The following MICU1 variants were observed in gnomAD, a reference collection of about 807,000 sequenced individuals.
MICU1 encodes mitochondrial calcium uptake 1, also known as calcium uptake protein 1, mitochondrial.
Under a neutral mutation model 56.8 loss-of-function variants are expected in MICU1, and 45 were observed. The ratio of observed to expected loss-of-function variants is 0.79; its 90% CI spans 0.62 to 1.02. MICU1 has a LOEUF of 1.02. MICU1 is among the 50% of genes least tolerant of loss of function. The pLI is 0.00. For synonymous variants in MICU1, 186 were observed against 195.1 expected, an observed-to-expected ratio of 0.95 and a Z score of 0.39; for missense variants, 504 against 587.1, an observed-to-expected ratio of 0.86 and a Z score of 1.46.
intron 10 of MICU1, among the ~76,000 whole-genome samples, chr10:72,377,619 T>C (rs1862568177): frequency 6.6e-6 from 1 of 152,152 alleles, no homozygotes; most frequent in African/African-American, 2.4e-5. Context: ...TCTCTCTCAT[T>C]TATCCTCAAA....
chr10:72,588,036 G>A (rs552876391), intron 1 of MICU1, among the ~76,000 whole-genome samples: 2 of 152,238 alleles, frequency 1.3e-5, no homozygotes, highest in African/African-American at 4.8e-5. Context: ...GTAATTGCCA[G>A]TGTTGGAGGA....
chr10:72,562,851 T>C (rs747276802), intron 3 of MICU1, 44 bp downstream of exon 3: 23 of 1,453,284 alleles, frequency 1.6e-5, no homozygotes, highest in Non-Finnish European at 2.1e-5. Context: ...ATTATTCTAC[T>C]TTAAGATATA....
At chr10:72,487,756 T>A (rs1287555878) in intron 6 of MICU1, among the ~76,000 whole-genome samples, 2 of 152,352 alleles carry the variant, frequency 1.3e-5, no homozygotes, top group African/African-American at 2.4e-5. Flanking sequence ...TCCTGCTTAT[T>A]CCTCAACAAA....
At chr10:72,370,095 T>A (rs965303384) in intron 11 of MICU1, among the ~76,000 whole-genome samples, 1 of 152,122 alleles carries the variant, frequency 6.6e-6, no homozygotes, top group South Asian at 2.1e-4. Context: ...GCCAGGATGG[T>A]CTCAATCTCC....
intron 6 of MICU1, among the ~76,000 whole-genome samples, chr10:72,487,693 GA>G (rs1866519246): frequency 6.6e-6 from 1 of 152,172 alleles, no homozygotes; most frequent in Non-Finnish European, 1.5e-5. Context: ...AGCTTTAGCA[GA>G]AAAATACCCT....
chr10:72,375,808 C>T lies in MICU1; in HGVS notation c.1245G>A (p.Val415=), dbSNP rs1179675631. Reference sequence around the variant, plus strand: ...CATCACAGTCAAAGAGTGCAAACACCACATCACACACGTGGTCTGAGAGCT... The same window carrying T: ...CATCACAGTCAAAGAGTGCAAACACTACATCACACACGTGGTCTGAGAGCT... The part of the protein sequence containing the change: ...KVELSDHVCD[V]VFALFDCDGN... Residue 415 remains valine, a synonymous_variant, in exon 11 of 12, where the codon GTG becomes GTA. Coordinates refer to ENST00000361114, the MANE Select transcript of MICU1 (RefSeq NM_001195518.2). 1 of 1,613,254 alleles carries T rather than the reference C, an allele frequency of 6.2e-7. No individual in the cohort carries two copies.
intron 5 of MICU1, among the ~76,000 whole-genome samples, chr10:72,518,933 G>A (rs1015021523): frequency 2.0e-5 from 3 of 152,124 alleles, no homozygotes; most frequent in Non-Finnish European, 4.4e-5. Flanking sequence ...TGCCCGTCTC[G>A]TCCTCCCAAA....
At chr10:72,506,746 T>C (rs1248955796) in intron 6 of MICU1, among the ~76,000 whole-genome samples, 2 of 152,174 alleles carry the variant, frequency 1.3e-5, no homozygotes, top group Non-Finnish European at 1.5e-5. Flanking sequence ...GAAGAACAAA[T>C]CTATTGTCTT....
chr10:72,542,010 C>T (rs1008697305), intron 4 of MICU1, among the ~76,000 whole-genome samples: 1 of 152,024 alleles, frequency 6.6e-6, no homozygotes, highest in African/African-American at 2.4e-5. Flanking sequence ...ACTTATAAAA[C>T]TTATACAAAA....
chr10:72,502,158 G>GTT (rs1256587038), intron 6 of MICU1, among the ~76,000 whole-genome samples: 42 of 131,824 alleles, frequency 3.2e-4, no homozygotes, highest in Middle Eastern at 3.7e-3. Context: ...TTTTTTTTTT[G>GTT]TTTTTTTTTT....
chr10:72,376,997 C>T (rs1002501101), intron 10 of MICU1, among the ~76,000 whole-genome samples: 1 of 152,056 alleles, frequency 6.6e-6, no homozygotes, highest in Non-Finnish European at 1.5e-5. Context: ...CAGCTAAGTG[C>T]CTGCACAGTG....
chr10:72,409,366 T>C (rs1457149312), intron 9 of MICU1, among the ~76,000 whole-genome samples: 1 of 152,206 alleles, frequency 6.6e-6, no homozygotes, highest in Non-Finnish European at 1.5e-5. Context: ...ACTGGGTCAA[T>C]TGTATGTTTC....
At chr10:72,572,303 T>G (rs1057431304) in intron 1 of MICU1, among the ~76,000 whole-genome samples, 10 of 152,326 alleles carry the variant, frequency 6.6e-5, no homozygotes, top group Non-Finnish European at 7.4e-5. Context: ...ATTTATTAGT[T>G]TGGGCAATCC....
intron 1 of MICU1, among the ~76,000 whole-genome samples, chr10:72,588,064 G>A (rs1266581585): frequency 1.3e-5 from 2 of 152,146 alleles, no homozygotes; most frequent in Non-Finnish European, 2.9e-5. Flanking sequence ...CATGGGAGGT[G>A]ACTGGATCAC....
At chr10:72,528,767 T>A in intron 5 of MICU1, 1 of 226,690 alleles carries the variant, frequency 4.4e-6, no homozygotes, top group Non-Finnish European at 9.8e-6. Flanking sequence ...TTCTAGGGTC[T>A]TATTTTATCT....
intron 1 of MICU1, among the ~76,000 whole-genome samples, chr10:72,568,689 T>C (rs1446946304): frequency 6.6e-6 from 1 of 151,958 alleles, no homozygotes; most frequent in African/African-American, 2.4e-5. Context: ...TGTTGTTTGT[T>C]GCCCCATCAA....
At chr10:72,408,896 A>G (rs1012966354) in intron 9 of MICU1, among the ~76,000 whole-genome samples, 9 of 152,232 alleles carry the variant, frequency 5.9e-5, no homozygotes, top group African/African-American at 1.9e-4. Context: ...CCCACAAAGT[A>G]ATTTGCCACT....
At chr10:72,494,932 C>T (rs532546427) in intron 6 of MICU1, among the ~76,000 whole-genome samples, 1 of 152,148 alleles carries the variant, frequency 6.6e-6, no homozygotes, top group African/African-American at 2.4e-5. Flanking sequence ...AGTGTACAGC[C>T]TATCTATGAG....
intron 5 of MICU1, among the ~76,000 whole-genome samples, chr10:72,514,617 C>T (rs1013119701): frequency 6.6e-6 from 1 of 152,140 alleles, no homozygotes; most frequent in African/African-American, 2.4e-5. Context: ...TGACAGGTTT[C>T]CTTAAATGCC....
Sources: gnomAD v4.1 joint callset for allele counts (sites outside exome capture counted in the v4.1 genomes callset) on GRCh38, gnomAD v4.1.1 for gene constraint, MANE v1.5 for transcripts, NCBI Gene and HGNC (gene_info 2026-07-23, HGNC 2026-07-21) for gene names.